TRPM7: variants seen among roughly 807,000 people sequenced by gnomAD.
The protein encoded by TRPM7 is LTRPC ion channel family member 7.
TRPM7 carries 134 observed loss-of-function variants against 229.7 expected under a neutral mutation model. The observed-to-expected ratio is 0.58, with a 90% CI of 0.51 to 0.67. The LOEUF is 0.67. TRPM7 is among the 30% of genes least tolerant of loss of function. The pLI, the probability that TRPM7 is intolerant of heterozygous loss-of-function variation, is 0.00. For synonymous variants in TRPM7, 699 were observed against 715.2 expected (o/e 0.98, Z 0.36); for missense variants, 1,901 against 2,210.0 (o/e 0.86, Z 2.80).
Position 50,588,032 on chromosome 15 carries a change from C to T in TRPM7, c.4390-1544G>A, listed in dbSNP as rs73395514. The stretch of plus-strand genomic sequence containing the variant: ...GTGAACTTGATCCATTTATTTAGCT[C>T]TCAGTCTAAATATGCCATAATTAAA... On this transcript the variant is annotated intron_variant, in intron 27 of 38. Transcript: ENST00000646667. 5.8e-3 allele frequency among the ~76,000 whole-genome samples: 890 copies of T among 152,210 alleles called. 18 individuals are homozygous for T. Among genetic ancestry groups the T allele is most frequent in the African/African-American group, 0.02 (824 of 41,534 alleles).
chr15:50,574,765 A>T (rs766835436), intron 34 of TRPM7, 46 bp from the exon 35 acceptor site: 1 of 1,589,852 alleles, frequency 6.3e-7, no homozygotes, highest in East Asian at 2.2e-5. Flanking sequence ...TATTTAAACT[A>T]AGATTATATT....
intron 5 of TRPM7, among the ~76,000 whole-genome samples, chr15:50,640,449 T>C (rs1341337728): frequency 1.4e-5 from 2 of 146,984 alleles, no homozygotes; most frequent in Admixed American, 1.3e-4. Context: ...GGTAATTTTT[T>C]TTTCTTTTTT....
chr15:50,677,374 G>A (rs7180210), intron 1 of TRPM7, among the ~76,000 whole-genome samples: 4,550 of 149,772 alleles, frequency 0.03, 251 homozygotes, highest in African/African-American at 0.11. Context: ...ATGAATTCTC[G>A]GGGAGCGAGG....
chr15:50,614,313 T>C (rs750765169), intron 13 of TRPM7, 50 bp from the exon 14 acceptor site: 19 of 1,496,744 alleles, frequency 1.3e-5, no homozygotes, highest in East Asian at 4.5e-5. Flanking sequence ...CTTCTCAATA[T>C]TGCCATGCCC....
At chr15:50,600,512 CATAA>C (rs1258293439) in intron 21 of TRPM7, among the ~76,000 whole-genome samples, 1 of 151,198 alleles carries the variant, frequency 6.6e-6, no homozygotes. Context: ...AATATTCATT[CATAA>C]ATAATCATCT....
In TRPM7 at chr15:50,660,284, T is replaced by C. The variant is rs2061691036; in HGVS notation, c.84-2465A>G. On this transcript the variant is annotated intron_variant, in intron 2 of 38. Coordinates refer to ENST00000646667, the MANE Select transcript of TRPM7 (RefSeq NM_017672.6). ...ACATTTACAGAATGTATTAAAAAAT[T>C]GAGGGATATTTAAAAAACATAAAAT... 2.6e-5 allele frequency among the ~76,000 whole-genome samples: 4 copies of C among 152,174 alleles called. No individual in the cohort carries two copies. In the South Asian group the frequency reaches 8.3e-4, roughly 32 times the overall value.
rs944026798 is a variant in TRPM7 at position 50,558,436 on chromosome 15, T to C, written c.*3242A>G. 3 of 152,224 alleles carry C rather than the reference T, an allele frequency of 2.0e-5. No individual in the cohort carries two copies. The highest frequency in any genetic ancestry group is 4.4e-5 in the Non-Finnish European group (3 of 68,110). 9.4% of individuals were successfully genotyped at this position (152,224 alleles called of 1,614,324 possible). A position where few individuals can be genotyped will look rare whatever the true frequency, so the allele number is the denominator to read the frequency against. ...ACCCAGGCATGGTGGCTCACACCTA[T>C]AATCCCAGTACTTTGGGTAGCCGGG... On this transcript the variant is annotated 3_prime_UTR_variant, in exon 39 of 39. Transcript: ENST00000646667.
chr15:50,559,637 G>C lies in TRPM7; in HGVS notation c.*2041C>G, dbSNP rs2053236115. ...TTATGGACGTTACTTTACCTCTCTA[G>C]CACCTTGACTTTCAAATCTGCAAAA... is the stretch of plus-strand genomic sequence containing the variant. On this transcript the variant is annotated 3_prime_UTR_variant, in exon 39 of 39. Coordinates refer to ENST00000646667, the MANE Select transcript of TRPM7 (RefSeq NM_017672.6). 1 of 152,074 alleles carries C rather than the reference G, an allele frequency of 6.6e-6. No individual in the cohort carries two copies. The highest frequency in any genetic ancestry group is 2.1e-4 in the South Asian group (1 of 4,818). The allele number at this position is 152,074 out of a possible 1,614,324, so 9.4% of individuals were successfully genotyped here.
At position 50,558,335 on chromosome 15, in the gene TRPM7, G is replaced by A. The variant is rs2053198335; in HGVS notation, c.*3343C>T. ...CAGGCGAGAGGATCACTTGAGCCCA[G>A]GAATTTGAGACCAGCGTGGGCAACA... On this transcript the variant is annotated 3_prime_UTR_variant, in exon 39 of 39. Transcript: ENST00000646667. 6.6e-6 allele frequency: 1 copy of A among 152,318 alleles called. No homozygotes were observed. Among genetic ancestry groups the A allele is most frequent in the South Asian group, 2.1e-4 (1 of 4,834 alleles). The allele number at this position is 152,318 out of a possible 1,614,324, so 9.4% of individuals were successfully genotyped here.
intron 38 of TRPM7, among the ~76,000 whole-genome samples, chr15:50,566,980 G>A (rs1199138256): frequency 6.6e-6 from 1 of 151,214 alleles, no homozygotes; most frequent in African/African-American, 2.4e-5. Flanking sequence ...CAGACCTAAC[G>A]GATATTAAAA....
chr15:50,614,010 G>A, intron 14 of TRPM7, 113 bp downstream of exon 14: 5 of 1,341,718 alleles, frequency 3.7e-6, no homozygotes, highest in Non-Finnish European at 5.1e-6. Context: ...AGTTGAAAAT[G>A]TTCAACTTTA....
At chr15:50,626,310 A>C (rs896161292) in intron 11 of TRPM7, among the ~76,000 whole-genome samples, 4 of 152,186 alleles carry the variant, frequency 2.6e-5, no homozygotes, top group Admixed American at 6.5e-5. Context: ...TTAGTAGAAT[A>C]AAAGGGGATA....
At chr15:50,672,188 G>T (rs886639386) in intron 1 of TRPM7, among the ~76,000 whole-genome samples, 1 of 151,874 alleles carries the variant, frequency 6.6e-6, no homozygotes, top group African/African-American at 2.4e-5. Flanking sequence ...TGAGCAGCTG[G>T]GACTACAGGC....
At chr15:50,664,260 A>G (rs2061820130) in intron 1 of TRPM7, among the ~76,000 whole-genome samples, 1 of 146,100 alleles carries the variant, frequency 6.8e-6, no homozygotes, top group Non-Finnish European at 1.5e-5. Flanking sequence ...CAGTGAGCCG[A>G]GATCGCGCCA....
chr15:50,628,312 C>CTT (rs374839323), intron 10 of TRPM7, 63 bp from the exon 11 acceptor site: 1,259 of 943,660 alleles, frequency 1.3e-3, no homozygotes, highest in Middle Eastern at 3.2e-3. Context: ...AAGGTGAACA[C>CTT]TTTTTTTTTT....
At chr15:50,599,590 C>T (rs1054860578) in intron 21 of TRPM7, 13 of 220,320 alleles carry the variant, frequency 5.9e-5, no homozygotes, top group Middle Eastern at 1.5e-3. Flanking sequence ...CTCTGTGGTA[C>T]GTGAAGATTT....
chr15:50,684,940 A>G (rs777568925), intron 1 of TRPM7, among the ~76,000 whole-genome samples: 3 of 152,224 alleles, frequency 2.0e-5, no homozygotes, highest in Non-Finnish European at 2.9e-5. Context: ...ATACTAAGCA[A>G]TTATTAATTT....
chr15:50,580,867 T>C lies in TRPM7; in HGVS notation c.4592+7A>G, dbSNP rs2054368431. On this transcript the variant is annotated splice_region_variant and intron_variant, in intron 30 of 38. Coordinates refer to ENST00000646667, the MANE Select transcript of TRPM7 (RefSeq NM_017672.6). Reference sequence around the variant, plus strand: ...CGCAAGCTAATGGTAAGAAAAAGCTTACTTACATTTCTCTGTTTGATGGTC... The same window carrying C: ...CGCAAGCTAATGGTAAGAAAAAGCTCACTTACATTTCTCTGTTTGATGGTC... 6.3e-7 allele frequency: 1 copy of C among 1,583,592 alleles called. No homozygotes were observed.
chr15:50,665,758 G>A (rs1208201801), intron 1 of TRPM7, among the ~76,000 whole-genome samples: 1 of 152,148 alleles, frequency 6.6e-6, no homozygotes, highest in Non-Finnish European at 1.5e-5. Context: ...ACTTTGGGAG[G>A]CCGAGGTGGG....
Sources: allele counts gnomAD v4.1 joint callset (sites outside exome capture counted in the v4.1 genomes callset), GRCh38; gene constraint gnomAD v4.1.1; transcripts MANE v1.5; gene names NCBI Gene and HGNC (gene_info 2026-07-23, HGNC 2026-07-21).